WWC2: variants seen among roughly 807,000 people sequenced by gnomAD.
The protein encoded by WWC2 is protein WWC2.
Under a neutral mutation model 138.5 loss-of-function variants are expected in WWC2, and 101 were observed. That is an observed-to-expected ratio of 0.73 (90% CI 0.62 to 0.86). WWC2 has a LOEUF of 0.86. Among genes scored for constraint, WWC2 ranks in the 40% least tolerant of loss-of-function variants. WWC2 has a pLI of 0.00. For synonymous variants in WWC2, 558 were observed against 538.4 expected, an observed-to-expected ratio of 1.04 and a Z score of -0.50; for missense variants, 1,420 against 1,419.4, an observed-to-expected ratio of 1.00 and a Z score of -0.01.
intron 9 of WWC2, among the ~76,000 whole-genome samples, chr4:183,255,382 T>C (rs1019679008): frequency 6.6e-6 from 1 of 152,202 alleles, no homozygotes; most frequent in African/African-American, 2.4e-5. Flanking sequence ...TTGTTGTTGC[T>C]GTTGTTTTTC....
At chr4:183,100,680 C>T (rs1460360410) in intron 1 of WWC2, among the ~76,000 whole-genome samples, 1 of 152,132 alleles carries the variant, frequency 6.6e-6, no homozygotes, top group Non-Finnish European at 1.5e-5. Flanking sequence ...GCTGAAATAC[C>T]TAACTACTTT....
Position 183,280,887 on chromosome 4 carries a change from G to A in WWC2, c.2674G>A (p.Asp892Asn). 6.4e-7 allele frequency: 1 copy of A among 1,565,280 alleles called. No individual in the cohort carries two copies. Among genetic ancestry groups the A allele is most frequent in the South Asian group, 1.2e-5 (1 of 84,938 alleles). Residue 892 changes from aspartate (D) to asparagine (N), a missense_variant, in exon 17 of 23, where the codon GAT (aspartate) becomes AAT (asparagine). Asp to Asn is a conservative substitution (Grantham distance 23, BLOSUM62 1). Transcript: ENST00000403733. ...ESGQEEPRGP[D>N]GDWLTMLREA... ...AGGACAAGAAGAGCCAAGGGGCCCA[G>A]ATGGAGACTGGTTAAACACTTATTT...
intron 14 of WWC2, among the ~76,000 whole-genome samples, chr4:183,268,200 G>T (rs560504420): frequency 6.6e-6 from 1 of 152,334 alleles, no homozygotes; most frequent in East Asian, 1.9e-4. Flanking sequence ...TGGAAATGGG[G>T]GTGGAGGGGA....
Position 183,213,245 on chromosome 4 carries a change from A to G in WWC2, c.522+4220A>G, listed in dbSNP as rs910331260. ...GTCCGTTTTGACCAGGTAGCACTTT[A>G]GGAATGGCCCAGCCATTCAGAAGTG... On this transcript the variant is annotated intron_variant, in intron 4 of 22. Transcript: ENST00000403733. Among the ~76,000 whole-genome samples, 64 of 152,230 alleles carry G rather than the reference A, an allele frequency of 4.2e-4. 1 individual carries two copies. The highest frequency in any genetic ancestry group is 8.1e-4 in the Non-Finnish European group (55 of 68,042).
At chr4:183,267,292 G>T (rs1289776757) in intron 14 of WWC2, among the ~76,000 whole-genome samples, 1 of 152,184 alleles carries the variant, frequency 6.6e-6, no homozygotes, top group Non-Finnish European at 1.5e-5. Flanking sequence ...AGTGAGGAGA[G>T]CAGGCATCAC....
intron 20 of WWC2, among the ~76,000 whole-genome samples, chr4:183,286,976 T>C (rs1236406237): frequency 6.6e-6 from 1 of 152,030 alleles, no homozygotes; most frequent in Non-Finnish European, 1.5e-5. Flanking sequence ...TACTGGGCGC[T>C]GTGGGTAGGT....
At chr4:183,100,087 C>T (rs111862979) in intron 1 of WWC2, among the ~76,000 whole-genome samples, 1 of 152,204 alleles carries the variant, frequency 6.6e-6, no homozygotes, top group African/African-American at 2.4e-5. Flanking sequence ...GCTGCGAGCT[C>T]TTGGCGGGGG....
chr4:183,307,994 A>G (rs888162325), intron 21 of WWC2, among the ~76,000 whole-genome samples: 1 of 152,222 alleles, frequency 6.6e-6, no homozygotes, highest in African/African-American at 2.4e-5. Context: ...TAACAAACAG[A>G]AACAACTCTG....
chr4:183,292,095 C>G (rs1195723478), intron 21 of WWC2, among the ~76,000 whole-genome samples: 4 of 151,562 alleles, frequency 2.6e-5, no homozygotes, highest in African/African-American at 9.7e-5. Flanking sequence ...ACTTGGAAGG[C>G]TGAGGTGGGA....
chr4:183,124,479 T>C (rs964412836), intron 1 of WWC2, among the ~76,000 whole-genome samples: 2 of 151,858 alleles, frequency 1.3e-5, no homozygotes, highest in African/African-American at 4.8e-5. Flanking sequence ...TCTAATTCGG[T>C]ACTTTATGCT....
At chr4:183,286,107 A>T (rs1298955473) in intron 20 of WWC2, 48 bp downstream of exon 20, 1 of 1,507,002 alleles carries the variant, frequency 6.6e-7, no homozygotes, top group African/African-American at 1.4e-5. Context: ...CCAGTCCAGA[A>T]TTGTCACTTG....
chr4:183,231,258 C>CTTTTTTTTTT (rs1192297768), intron 4 of WWC2, among the ~76,000 whole-genome samples: 1 of 75,314 alleles, frequency 1.3e-5, no homozygotes, highest in Non-Finnish European at 2.5e-5. Context: ...ACAGTGAAAG[C>CTTTTTTTTTT]TTTTTTTTTT....
chr4:183,248,324 A>G (rs1736860930), intron 6 of WWC2, among the ~76,000 whole-genome samples: 1 of 152,246 alleles, frequency 6.6e-6, no homozygotes, highest in African/African-American at 2.4e-5. Context: ...TACTGTATCT[A>G]AAATGAGAGA....
At chr4:183,226,334 G>C (rs1392630410) in intron 4 of WWC2, among the ~76,000 whole-genome samples, 6 of 151,970 alleles carry the variant, frequency 3.9e-5, no homozygotes, top group Non-Finnish European at 5.9e-5. Flanking sequence ...CAGGGCTCAA[G>C]CAATCCACCT....
In WWC2 at chr4:183,319,631, C is replaced by G; in HGVS notation, c.*3902C>G. 1 of 1,614,034 alleles carries G rather than the reference C, an allele frequency of 6.2e-7. No homozygotes were observed. Among genetic ancestry groups the G allele is most frequent in the South Asian group, 1.1e-5 (1 of 91,080 alleles). ...GTGTTTGTGCCACTGCGTAGTGGCC[C>G]GAAGCTAGGGGAGCGTGGCTGGAGC... On this transcript the variant is annotated 3_prime_UTR_variant, in exon 23 of 23. Coordinates refer to ENST00000403733, the MANE Select transcript of WWC2 (RefSeq NM_024949.6).
rs751858473 is a variant in WWC2 at position 183,320,687 on chromosome 4, A to G, written c.*4958A>G. 2 of 183,100 alleles carry G rather than the reference A, an allele frequency of 1.1e-5. No homozygotes were observed. The highest frequency in any genetic ancestry group is 5.4e-5 in the Admixed American group (1 of 18,452). 11.3% of individuals were successfully genotyped at this position (183,100 alleles called of 1,614,324 possible). ...ATCTCTTATAGTTCTCACATTTCAA[A>G]TGTGCATGTTATGGTAATACTGAGT... On this transcript the variant is annotated 3_prime_UTR_variant, in exon 23 of 23. Transcript: ENST00000403733.
At chr4:183,162,216 C>A (rs1733981601) in intron 1 of WWC2, among the ~76,000 whole-genome samples, 1 of 151,932 alleles carries the variant, frequency 6.6e-6, no homozygotes, top group Non-Finnish European at 1.5e-5. Flanking sequence ...AGAAACAAAC[C>A]CTAATTCTCA....
intron 21 of WWC2, among the ~76,000 whole-genome samples, chr4:183,302,585 T>C (rs1738882493): frequency 6.6e-6 from 1 of 152,106 alleles, no homozygotes; most frequent in South Asian, 2.1e-4. Flanking sequence ...TAGCTTAGTT[T>C]CCCCAACATC....
intron 21 of WWC2, among the ~76,000 whole-genome samples, chr4:183,302,540 G>A (rs576147838): frequency 1.2e-4 from 18 of 151,130 alleles, no homozygotes; most frequent in African/African-American, 4.1e-4. Flanking sequence ...TCTCTGTCAG[G>A]TACAGTAAGA....
Sources: gnomAD v4.1 joint callset for allele counts (sites outside exome capture counted in the v4.1 genomes callset) on GRCh38, gnomAD v4.1.1 for gene constraint, MANE v1.5 for transcripts, NCBI Gene and HGNC (gene_info 2026-07-23, HGNC 2026-07-21) for gene names.